CLCNKB: variants seen among roughly 807,000 people sequenced by gnomAD.
CLCNKB encodes chloride voltage-gated channel Kb.
In CLCNKB, 74 loss-of-function variants were observed where a neutral mutation model predicts 83.8. The observed-to-expected ratio is 0.88, with a 90% CI of 0.73 to 1.07. The LOEUF is 1.07. Among genes scored for constraint, CLCNKB ranks in the 50% least tolerant of loss-of-function variants. The pLI is 0.00. For missense variants in CLCNKB, 798 were observed against 893.6 expected, an observed-to-expected ratio of 0.89 and a Z score of 1.36; for synonymous variants, 358 against 356.6, an observed-to-expected ratio of 1.00 and a Z score of -0.04.
chr1:16,049,428 A>G (rs1392786627), intron 8 of CLCNKB, among the ~76,000 whole-genome samples, 183 bp downstream of exon 8: 1 of 152,102 alleles, frequency 6.6e-6, no homozygotes, highest in Non-Finnish European at 1.5e-5. Flanking sequence ...CAAGAAGGGC[A>G]GGGGCCCTGA....
intron 1 of CLCNKB, among the ~76,000 whole-genome samples, chr1:16,044,165 C>T (rs1326294630): frequency 1.3e-5 from 2 of 151,954 alleles, no homozygotes; most frequent in Admixed American, 6.6e-5. Context: ...AGGGTGGGAG[C>T]GGCTGCCACC....
At chr1:16,052,977 G>A (rs551376807) in intron 15 of CLCNKB, among the ~76,000 whole-genome samples, 3 of 152,094 alleles carry the variant, frequency 2.0e-5, no homozygotes, top group Non-Finnish European at 4.4e-5. Context: ...TGGAAAATGG[G>A]GCTGCTTACC....
chr1:16,050,918 C>G lies in CLCNKB; in HGVS notation c.1097C>G (p.Ser366Cys), dbSNP rs1240426223. ...QHLDSLFDNH[S>C]WALMTQNSSP... The stretch of plus-strand genomic sequence containing the variant: ...CTGGACTCGCTGTTCGACAACCACT[C>G]CTGGGCGCTGATGACCCAGAACTCC... Residue 366 changes from serine to cysteine, a missense_variant, in exon 12 of 20, where the codon TCC becomes TGC. Transcript: ENST00000375679. 5.6e-6 allele frequency: 9 copies of G among 1,612,942 alleles called. No homozygotes were observed. The highest frequency in any genetic ancestry group is 5.9e-6 in the Non-Finnish European group (7 of 1,179,906).
At chr1:16,053,886 C>T (rs897307625) in intron 16 of CLCNKB, 114 bp downstream of exon 16, 33 of 1,405,838 alleles carry the variant, frequency 2.3e-5, no homozygotes, top group East Asian at 1.9e-4. Flanking sequence ...AGCAACCAAC[C>T]GTGTGACCTT....
Position 16,045,706 on chromosome 1 carries a change from T to G in CLCNKB, c.229+20T>G, listed in dbSNP as rs1570328374. On this transcript the variant is annotated intron_variant, in intron 3 of 19. Transcript: ENST00000375679. ...TCCGAGGTAACCCCTCCATGGCAGG[T>G]GCTGCTCTGGGCCAAGGGATTCTGA... 1.3e-6 allele frequency: 2 copies of G among 1,543,856 alleles called. No homozygotes were observed. The highest frequency in any genetic ancestry group is 2.7e-5 in the African/African-American group (2 of 73,660).
intron 3 of CLCNKB, 138 bp from the exon 4 acceptor site, chr1:16,046,397 G>A: frequency 1.7e-6 from 2 of 1,177,650 alleles, no homozygotes; most frequent in East Asian, 2.6e-5. Flanking sequence ...CCTCTTCTTG[G>A]GGGTCTGCAC....
rs2023418780 is a variant in CLCNKB at position 16,055,749 on chromosome 1, C to T, written c.1920C>T (p.Ser640=). 3 of 1,613,790 alleles carry T rather than the reference C, an allele frequency of 1.9e-6. No homozygotes were observed. The highest frequency in any genetic ancestry group is 2.5e-6 in the Non-Finnish European group (3 of 1,179,942). Reference sequence around the variant, plus strand: ...CCCTGAAGCTGTCCCCAGAGACTTCCCTGCATGAGGTAACGGGGAGAACTG... The same window carrying T: ...CCCTGAAGCTGTCCCCAGAGACTTCTCTGCATGAGGTAACGGGGAGAACTG... ...PVTLKLSPET[S]LHEAHNLFEL... The change falls in exon 18 of 20, where the codon TCC becomes TCT. Residue 640 remains serine (S), a synonymous_variant. Coordinates refer to ENST00000375679, the MANE Select transcript of CLCNKB (RefSeq NM_000085.5).
intron 16 of CLCNKB, among the ~76,000 whole-genome samples, chr1:16,054,761 C>T (rs1380313993): frequency 1.3e-5 from 2 of 152,100 alleles, no homozygotes; most frequent in Non-Finnish European, 2.9e-5. Flanking sequence ...CTCTTTTACC[C>T]TCAGAGCCAC....
At position 16,050,589 on chromosome 1, in the gene CLCNKB, C is replaced by T. The variant is rs769400472; in HGVS notation, c.1042C>T (p.Leu348=). The change falls in exon 11 of 20, where the codon CTA becomes TTA. Residue 348 remains leucine, a synonymous_variant. Transcript: ENST00000375679. ...ITYPPSAGRF[L]ASRLSMKQHL... ...CTACCCACCCAGCGCCGGCCGCTTC[C>T]TAGCTTCTCGGGTAAGGGGCCTTGA... 3 of 1,614,050 alleles carry T rather than the reference C, an allele frequency of 1.9e-6. No individual in the cohort carries two copies. The highest frequency in any genetic ancestry group is 1.1e-5 in the South Asian group (1 of 91,084).
intron 7 of CLCNKB, chr1:16,048,893 C>T (rs1175009973): frequency 6.9e-7 from 1 of 1,446,720 alleles, no homozygotes; most frequent in South Asian, 1.5e-5. Flanking sequence ...ACCGTCCCCA[C>T]CCGATAGCGA....
rs749071046 is a variant in CLCNKB at position 16,045,444 on chromosome 1, C to T, written c.101-114C>T. 3.1e-4 allele frequency: 403 copies of T among 1,319,354 alleles called. 2 individuals are homozygous for T. Among genetic ancestry groups the T allele is most frequent in the Non-Finnish European group, 3.7e-4 (349 of 941,480 alleles). 81.7% of individuals were successfully genotyped at this position (1,319,354 alleles called of 1,614,324 possible). On this transcript the variant is annotated intron_variant, in intron 2 of 19. Transcript: ENST00000375679. ...TCGGGACTACCCCAGAGTATACCAC[C>T]AAGCTCCATCCCCCTGCCCCAGCCT...
chr1:16,045,735 C>A, intron 3 of CLCNKB, 49 bp downstream of exon 3: 1 of 1,544,280 alleles, frequency 6.5e-7, no homozygotes, highest in Non-Finnish European at 8.8e-7. Context: ...ATTCTGAGCT[C>A]TCTCTGGGGA....
intron 11 of CLCNKB, 92 bp from the exon 12 acceptor site, chr1:16,050,783 G>A: frequency 6.3e-7 from 1 of 1,589,306 alleles, no homozygotes; most frequent in Non-Finnish European, 8.6e-7. Context: ...AAGTGGCAGA[G>A]GAGGATTCCA....
chr1:16,045,730 G>A (rs1440659257), intron 3 of CLCNKB, 44 bp downstream of exon 3: 15 of 1,526,398 alleles, frequency 9.8e-6, no homozygotes, highest in African/African-American at 9.5e-5. Flanking sequence ...AAGGGATTCT[G>A]AGCTCTCTCT....
At position 16,045,639 on chromosome 1, in the gene CLCNKB, C is replaced by A. The variant is rs777073739; in HGVS notation, c.182C>A (p.Ala61Asp). The A allele has an allele frequency of 6.2e-7, 1 of 1,614,060 alleles. No individual in the cohort carries two copies. The highest frequency in any genetic ancestry group is 8.5e-7 in the Non-Finnish European group (1 of 1,179,932). ...CTGATGACCCTCGGGGTGCTCATGG[C>A]CCTGGTCAGCTGTGCCATGGACTTG... ...YFLMTLGVLM[A>D]LVSCAMDLAV... The change falls in exon 3 of 20, where the codon GCC becomes GAC. Residue 61 changes from alanine (A) to aspartate (D), a missense_variant. Physicochemically the swap from Ala to Asp is moderately radical, Grantham distance 126. Transcript: ENST00000375679.
intron 1 of CLCNKB, among the ~76,000 whole-genome samples, chr1:16,044,245 A>T (rs2124080115): frequency 6.6e-6 from 1 of 151,946 alleles, no homozygotes; most frequent in South Asian, 2.1e-4. Flanking sequence ...ACACAGGGGG[A>T]CACCTAGGAA....
At chr1:16,044,920 C>G (rs961275458) in intron 2 of CLCNKB, among the ~76,000 whole-genome samples, 35 of 152,206 alleles carry the variant, frequency 2.3e-4, no homozygotes, top group Non-Finnish European at 4.6e-4. Context: ...ACAGCTGGGG[C>G]CACAGCAAGG....
rs1202547525 is a variant in CLCNKB, at chr1:16,055,502, T to G, written c.1824T>G (p.Pro608=). The change falls in exon 17 of 20, where the codon CCT becomes CCG. Residue 608 remains proline, a synonymous_variant. Transcript: ENST00000375679. ...TGCAGGCCCTGAAGGCTGAGCCTCC[T>G]TCCTGGGCTCCTGGACACCAGGTGG... is the stretch of plus-strand genomic sequence containing the variant. The part of the protein sequence containing the change: ...QLVQALKAEP[P]SWAPGHQQCL... The G allele has an allele frequency of 6.2e-7, 1 of 1,612,140 alleles. No homozygotes were observed. Among genetic ancestry groups the G allele is most frequent in the East Asian group, 2.2e-5 (1 of 44,818 alleles).
intron 7 of CLCNKB, 48 bp from the exon 8 acceptor site, chr1:16,049,072 C>T (rs1015816172): frequency 3.7e-6 from 6 of 1,613,374 alleles, no homozygotes; most frequent in Admixed American, 1.7e-5. Context: ...CCTACAGTCA[C>T]AGGTGGGTGG....
Sources: allele counts gnomAD v4.1 joint callset (sites outside exome capture counted in the v4.1 genomes callset), GRCh38; gene constraint gnomAD v4.1.1; transcripts MANE v1.5; gene names NCBI Gene and HGNC (gene_info 2026-07-23, HGNC 2026-07-21).